The following SUGP1 variants were observed in gnomAD, a reference collection of about 807,000 sequenced individuals.
SUGP1 encodes SURP and G-patch domain-containing protein 1.
Under a neutral mutation model 76.5 loss-of-function variants are expected in SUGP1, and 34 were observed. That is an observed-to-expected ratio of 0.44 (90% CI 0.34 to 0.59). The LOEUF is 0.59. Ranked by LOEUF, SUGP1 falls within the 20% of genes least tolerant of loss-of-function variation. SUGP1 has a pLI of 0.01. For missense variants in SUGP1, 752 were observed against 851.7 expected, an observed-to-expected ratio of 0.88 and a Z score of 1.46; for synonymous variants, 326 against 326.2, an observed-to-expected ratio of 1.00 and a Z score of 0.01.
rs541521385 is a variant in SUGP1, at chr19:19,291,889, T to TCACACACACACACA, written c.1243+5086_1243+5099dup. On this transcript the variant is annotated intron_variant, in intron 8 of 13. Transcript: ENST00000247001. ...GCCTGGGTGACAGAGTGAGACTCTG[T>TCACACACACACACA]CACACACACACACACACACACACAC... 1.1e-3 allele frequency among the ~76,000 whole-genome samples: 142 copies of TCACACACACACACA among 128,704 alleles called. 1 individual carries two copies. Among genetic ancestry groups the TCACACACACACACA allele is most frequent in the Middle Eastern group, 4.0e-3 (1 of 252 alleles). 84.4% of individuals were successfully genotyped at this position (128,704 alleles called of 152,430 possible). A position where few individuals can be genotyped will look rare whatever the true frequency, so the allele number is the denominator to read the frequency against.
intron 1 of SUGP1, among the ~76,000 whole-genome samples, chr19:19,318,786 G>C (rs2061413547): frequency 6.6e-6 from 1 of 152,026 alleles, no homozygotes; most frequent in Non-Finnish European, 1.5e-5. Flanking sequence ...ATTCTGGCCA[G>C]AGAATCCACA....
At chr19:19,277,566 G>A (rs2061063239) in intron 12 of SUGP1, among the ~76,000 whole-genome samples, 168 bp downstream of exon 12, 1 of 152,208 alleles carries the variant, frequency 6.6e-6, no homozygotes, top group Non-Finnish European at 1.5e-5. Context: ...CAGCCCGTAT[G>A]GCCTCCTGCA....
chr19:19,312,890 T>C (rs1842210931), intron 2 of SUGP1, among the ~76,000 whole-genome samples: 1 of 151,188 alleles, frequency 6.6e-6, no homozygotes, highest in Non-Finnish European at 1.5e-5. Flanking sequence ...CTCAGGAGGC[T>C]GAGGCAGGAG....
At chr19:19,308,862 C>T (rs540857855) in intron 3 of SUGP1, among the ~76,000 whole-genome samples, 1 of 136,454 alleles carries the variant, frequency 7.3e-6, no homozygotes, top group East Asian at 2.1e-4. Flanking sequence ...CATTTGCCCC[C>T]TTGGTAATTT....
chr19:19,294,209 A>G (rs2061207340), intron 8 of SUGP1, among the ~76,000 whole-genome samples: 1 of 150,822 alleles, frequency 6.6e-6, no homozygotes, highest in Non-Finnish European at 1.5e-5. Context: ...AAAAGAATAA[A>G]GTTGGAAAAA....
At chr19:19,283,149 A>C (rs966944430) in intron 8 of SUGP1, among the ~76,000 whole-genome samples, 21 of 152,164 alleles carry the variant, frequency 1.4e-4, no homozygotes, top group African/African-American at 4.6e-4. Context: ...TTTATCACTT[A>C]CTACCATAAA....
In SUGP1 at chr19:19,297,131, T is replaced by TGGAGCAGGGATGATAGTG; in HGVS notation, c.1083_1100dup (p.Thr362_Pro367dup). ...CGGAGGCTGGCTTCCCGGGGGCAGC[T>TGGAGCAGGGATGATAGTG]GGAGCAGGGATGATAGTGGGCGCAG... On this transcript the variant is annotated inframe_insertion, in exon 8 of 14. Coordinates refer to ENST00000247001, the MANE Select transcript of SUGP1 (RefSeq NM_172231.4). 3 of 1,613,870 alleles carry TGGAGCAGGGATGATAGTG rather than the reference T, an allele frequency of 1.9e-6. No homozygotes were observed. The highest frequency in any genetic ancestry group is 1.7e-6 in the Non-Finnish European group (2 of 1,179,888).
chr19:19,288,415 T>C (rs2061157499), intron 8 of SUGP1, among the ~76,000 whole-genome samples: 1 of 152,174 alleles, frequency 6.6e-6, no homozygotes, highest in Non-Finnish European at 1.5e-5. Flanking sequence ...ACATATAACA[T>C]ATAAAAAGCA....
At chr19:19,296,475 T>C (rs989761310) in intron 8 of SUGP1, among the ~76,000 whole-genome samples, 2 of 151,556 alleles carry the variant, frequency 1.3e-5, no homozygotes, top group African/African-American at 2.4e-5. Flanking sequence ...TAAAACCCCA[T>C]CTCTATTAAA....
chr19:19,305,793 C>T (rs1265235705), intron 4 of SUGP1, 56 bp downstream of exon 4: 3 of 1,534,418 alleles, frequency 2.0e-6, no homozygotes, highest in Non-Finnish European at 2.7e-6. Flanking sequence ...ACCACAGATC[C>T]CACCTGCTAG....
rs963159861 is a variant in SUGP1 at position 19,302,562 on chromosome 19, T to C, written c.764-174A>G. ...CAGATGCCAGAATTCATAACACACC[T>C]CAAGCCCCCACCCCCGACCCCCGCC... On this transcript the variant is annotated intron_variant, in intron 6 of 13. Coordinates refer to ENST00000247001, the MANE Select transcript of SUGP1 (RefSeq NM_172231.4). 5 of 928,964 alleles carry C rather than the reference T, an allele frequency of 5.4e-6. No homozygotes were observed. In the East Asian group the frequency reaches 8.2e-5, roughly 15 times the overall value. The allele number at this position is 928,964 out of a possible 1,614,324, so 57.5% of individuals were successfully genotyped here.
At chr19:19,290,942 C>A (rs1334352843) in intron 8 of SUGP1, among the ~76,000 whole-genome samples, 1 of 152,020 alleles carries the variant, frequency 6.6e-6, no homozygotes, top group Non-Finnish European at 1.5e-5. Context: ...CATGGTGAAA[C>A]CCCGTCTCTA....
intron 2 of SUGP1, among the ~76,000 whole-genome samples, chr19:19,314,076 G>A (rs961690427): frequency 2.6e-5 from 4 of 152,040 alleles, no homozygotes; most frequent in East Asian, 1.9e-4. Flanking sequence ...GGCGGAGGTC[G>A]CAGTGAGCCA....
Position 19,302,253 on chromosome 19 carries a change from G to A in SUGP1, c.887+12C>T. The A allele has an allele frequency of 6.2e-7, 1 of 1,613,906 alleles. No homozygotes were observed. The highest frequency in any genetic ancestry group is 2.2e-5 in the East Asian group (1 of 44,862). ...AGGGTGACGGTCACCTCCCTGGCAG[G>A]GCCCCCCTTACCTGAATGCCTGGTT... On this transcript the variant is annotated intron_variant, in intron 7 of 13. Transcript: ENST00000247001.
intron 5 of SUGP1, 99 bp from the exon 6 acceptor site, chr19:19,303,547 G>A: frequency 7.4e-7 from 1 of 1,354,624 alleles, no homozygotes; most frequent in Non-Finnish European, 1.1e-6. Flanking sequence ...AGGCTGGCGA[G>A]CAGGGACCCG....
intron 7 of SUGP1, 56 bp from the exon 8 acceptor site, chr19:19,297,400 A>ATTCTGGGCATGAGCAGTTCTGGCC: frequency 3.0e-6 from 4 of 1,349,532 alleles, no homozygotes; most frequent in Admixed American, 2.3e-5. Context: ...CCTGTCCCTG[A>ATTCTGGGCATGAGCAGTTCTGGCC]TTCTGGGCAG....
intron 9 of SUGP1, 116 bp from the exon 10 acceptor site, chr19:19,279,506 C>T: frequency 8.5e-7 from 1 of 1,177,582 alleles, no homozygotes; most frequent in Non-Finnish European, 1.2e-6. Flanking sequence ...CTCATCTGGA[C>T]CCCTGGGCAG....
chr19:19,276,295 C>T lies in SUGP1; in HGVS notation c.*353G>A, dbSNP rs1049851096. On this transcript the variant is annotated 3_prime_UTR_variant, in exon 14 of 14. Transcript: ENST00000247001. ...TAAACTCCTGACCTCCAGTGATCCG[C>T]CCGCCTTGGCCTCTCAAAGTGCTGG... The T allele has an allele frequency of 4.3e-6, 1 of 233,174 alleles. No homozygotes were observed. The highest frequency in any genetic ancestry group is 8.6e-6 in the Non-Finnish European group (1 of 116,804). 14.4% of individuals were successfully genotyped at this position (233,174 alleles called of 1,614,324 possible). A position where few individuals can be genotyped will look rare whatever the true frequency, so the allele number is the denominator to read the frequency against.
intron 8 of SUGP1, among the ~76,000 whole-genome samples, chr19:19,296,090 G>A (rs1018365844): frequency 6.6e-6 from 1 of 152,150 alleles, no homozygotes; most frequent in African/African-American, 2.4e-5. Context: ...GCCGAGGCAG[G>A]AGGATCACTT....
Sources: allele counts gnomAD v4.1 joint callset (sites outside exome capture counted in the v4.1 genomes callset), GRCh38; gene constraint gnomAD v4.1.1; transcripts MANE v1.5; gene names NCBI Gene and HGNC (gene_info 2026-07-23, HGNC 2026-07-21).